The following SQSTM1 variants were observed in gnomAD, a reference collection of about 807,000 sequenced individuals.
The protein encoded by SQSTM1 is sequestosome 1.
SQSTM1 carries 36 observed loss-of-function variants against 45.1 expected under a neutral mutation model. That is an observed-to-expected ratio of 0.80 (90% CI 0.61 to 1.05). The LOEUF (loss-of-function observed/expected upper bound fraction) is 1.05, where lower values mean the gene tolerates loss of function less well. SQSTM1 is among the 50% of genes least tolerant of loss of function. The pLI, the probability that SQSTM1 is intolerant of heterozygous loss-of-function variation, is 0.00. For missense variants in SQSTM1, 617 were observed against 607.1 expected (o/e 1.02, Z -0.17); for synonymous variants, 290 against 244.3 (o/e 1.19, Z -1.74).
intron 5 of SQSTM1, among the ~76,000 whole-genome samples, chr5:179,830,305 C>T (rs368999765): frequency 6.6e-6 from 1 of 152,298 alleles, no homozygotes; most frequent in African/African-American, 2.4e-5. Context: ...ATTGTAAATA[C>T]TTGGGAATAC....
In SQSTM1 at chr5:179,836,621, C is replaced by G; in HGVS notation, c.*28C>G. ...ACTTTTGCCCACCTCTTCTGCGTGC[C>G]CCTCTTCTGTCTCATAGTTGTGTTA... On this transcript the variant is annotated 3_prime_UTR_variant, in exon 8 of 8. Coordinates refer to ENST00000389805, the MANE Select transcript of SQSTM1 (RefSeq NM_003900.5). 1 of 1,611,560 alleles carries G rather than the reference C, an allele frequency of 6.2e-7. No individual in the cohort carries two copies. The highest frequency in any genetic ancestry group is 8.5e-7 in the Non-Finnish European group (1 of 1,179,966).
chr5:179,826,389 A>T (rs1757988339), intron 5 of SQSTM1, among the ~76,000 whole-genome samples: 1 of 151,126 alleles, frequency 6.6e-6, no homozygotes, highest in Non-Finnish European at 1.5e-5. Flanking sequence ...CTGGTCTTGA[A>T]CTTCTGACCT....
At position 179,835,884 on chromosome 5, in the gene SQSTM1, TACC is replaced by T. The variant is rs1207800310; in HGVS notation, c.1166-549_1166-547del. 4.2e-5 allele frequency: 9 copies of T among 212,930 alleles called. No individual in the cohort carries two copies. The East Asian group carries it at 6.7e-4, about 16-fold the overall frequency. 13.2% of individuals were successfully genotyped at this position (212,930 alleles called of 1,614,324 possible). On this transcript the variant is annotated intron_variant, in intron 7 of 7. Transcript: ENST00000389805. ...TGAGTAGTATTCCATGGTGTATATATACCACATTTTCTTTATCCACTCATTGCT... is the reference window on the plus strand; with the variant it reads ...TGAGTAGTATTCCATGGTGTATATATACATTTTCTTTATCCACTCATTGCT...
In SQSTM1 at chr5:179,821,700, C is replaced by T. The variant is rs1562650780; in HGVS notation, c.205+559C>T. 4 of 359,258 alleles carry T rather than the reference C, an allele frequency of 1.1e-5. No individual in the cohort carries two copies. In the East Asian group the frequency reaches 3.9e-4, roughly 35 times the overall value. 22.3% of individuals were successfully genotyped at this position (359,258 alleles called of 1,614,324 possible). On this transcript the variant is annotated intron_variant, in intron 1 of 7. Transcript: ENST00000389805. ...GGCACGGATCGCCGGCGGAACGCTC[C>T]GAGCCAGGTCGAGTACAGATGTTTT...
At chr5:179,812,544 T>C (rs1181390141) in intron 2 of SQSTM1, 3 of 152,274 alleles carry the variant, frequency 2.0e-5, no homozygotes, top group African/African-American at 7.2e-5. Context: ...CTGCGTCTTC[T>C]TGAGGTGACT....
rs747081686 is a variant in SQSTM1, at chr5:179,823,068, T to C, written c.301+15T>C. 6.2e-7 allele frequency: 1 copy of C among 1,609,740 alleles called. No individual in the cohort carries two copies. Among genetic ancestry groups the C allele is most frequent in the East Asian group, 2.2e-5 (1 of 44,856 alleles). The stretch of plus-strand genomic sequence containing the variant: ...CTACATTAAAGGTAAGGGGCTGCTC[T>C]GGGGGCTGCCTGAAGCCAGCTCAGC... On this transcript the variant is annotated intron_variant, in intron 2 of 7. Transcript: ENST00000389805.
upstream of SQSTM1, chr5:179,820,661 G>C (rs551085066): frequency 2.3e-4 from 90 of 397,702 alleles, no homozygotes; most frequent in African/African-American, 1.7e-3. Context: ...GAGTGCCAGG[G>C]CCGGTTTCCT....
In SQSTM1 at chr5:179,823,025, G is replaced by A. The variant is rs1327672196; in HGVS notation, c.273G>A (p.Lys91=). 2.5e-6 allele frequency: 4 copies of A among 1,614,018 alleles called. No individual in the cohort carries two copies. The highest frequency in any genetic ancestry group is 3.4e-6 in the Non-Finnish European group (4 of 1,180,024). ...TGACAATGGCCATGTCCTACGTGAA[G>A]GATGACATCTTCCGAATCTACATTA... ...EELTMAMSYV[K]DDIFRIYIKE... is the part of the protein sequence containing the mutation. Residue 91 remains lysine (K), a synonymous_variant, in exon 2 of 8, where the codon AAG becomes AAA. Coordinates refer to ENST00000389805, the MANE Select transcript of SQSTM1 (RefSeq NM_003900.5).
chr5:179,835,893 T>G (rs1758528962), intron 7 of SQSTM1: 7 of 210,074 alleles, frequency 3.3e-5, no homozygotes, highest in Non-Finnish European at 2.0e-5. Context: ...ATACCACATT[T>G]TCTTTATCCA....
intron 1 of SQSTM1, among the ~76,000 whole-genome samples, chr5:179,810,053 G>T (rs1312935211): frequency 1.3e-5 from 2 of 151,978 alleles, no homozygotes; most frequent in Non-Finnish European, 2.9e-5. Flanking sequence ...CAGAGTGCTG[G>T]GATTACAGGC....
At position 179,836,491 on chromosome 5, in the gene SQSTM1, T is replaced by C. The variant is rs763506589; in HGVS notation, c.1221T>C (p.Ser407=). ...CCCAGATGCTGTCCATGGGCTTCTCTGATGAAGGCGGCTGGCTCACCAGGC... is the reference window on the plus strand; with the variant it reads ...CCCAGATGCTGTCCATGGGCTTCTCCGATGAAGGCGGCTGGCTCACCAGGC... ...SLSQMLSMGF[S]DEGGWLTRLL... is the part of the protein sequence containing the mutation. Residue 407 remains serine, a synonymous_variant, in exon 8 of 8, where the codon TCT becomes TCC. Coordinates refer to ENST00000389805, the MANE Select transcript of SQSTM1 (RefSeq NM_003900.5). The C allele has an allele frequency of 6.2e-7, 1 of 1,614,206 alleles. No homozygotes were observed. Among genetic ancestry groups the C allele is most frequent in the South Asian group, 1.1e-5 (1 of 91,080 alleles).
At chr5:179,815,043 A>G (rs1458948506), upstream of SQSTM1, among the ~76,000 whole-genome samples, 2 of 152,154 alleles carry the variant, frequency 1.3e-5, no homozygotes, top group Non-Finnish European at 2.9e-5. Flanking sequence ...GGGGGAGCAT[A>G]TGGTCATAGC....
intron 6 of SQSTM1, 93 bp downstream of exon 6, chr5:179,833,339 CCA>C: frequency 7.8e-7 from 1 of 1,285,332 alleles, no homozygotes; most frequent in East Asian, 2.5e-5. Flanking sequence ...CTCTGCAGCC[CCA>C]CTTACAAACC....
Position 179,823,864 on chromosome 5 carries a change from A to G in SQSTM1, c.308A>G (p.Lys103Arg), listed in dbSNP as rs748170760. ...DIFRIYIKEKKECRRDHRPPC... is the reference protein window; with the variant it reads ...DIFRIYIKEKRECRRDHRPPC... Reference sequence around the variant, plus strand: ...CTCTTTACCCTTCCTGTAGAGAAAAAAGAGTGCCGGCGGGACCACCGCCCA... The same window carrying G: ...CTCTTTACCCTTCCTGTAGAGAAAAGAGAGTGCCGGCGGGACCACCGCCCA... The change falls in exon 3 of 8, where the codon AAA (lysine) becomes AGA (arginine). Residue 103 changes from lysine (K) to arginine (R), a missense_variant. Lys to Arg is a conservative substitution (Grantham distance 26). Transcript: ENST00000389805. The G allele has an allele frequency of 1.7e-5, 28 of 1,611,726 alleles. No individual in the cohort carries two copies. The Admixed American group carries it at 1.8e-4, about 11-fold the overall frequency.
In SQSTM1 at chr5:179,823,834, C is replaced by T. The variant is rs372179781; in HGVS notation, c.302-24C>T. The T allele has an allele frequency of 2.6e-5, 41 of 1,607,028 alleles. 1 individual carries two copies. The highest frequency in any genetic ancestry group is 9.9e-5 in the South Asian group (9 of 90,974). The stretch of plus-strand genomic sequence containing the variant: ...AGGACTTTAGGGGGTCCCACCCTAG[C>T]GGCTCTCTTTACCCTTCCTGTAGAG... On this transcript the variant is annotated intron_variant, in intron 2 of 7. Transcript: ENST00000389805.
chr5:179,828,219 C>G (rs1452631555), intron 5 of SQSTM1, among the ~76,000 whole-genome samples: 1 of 152,206 alleles, frequency 6.6e-6, no homozygotes, highest in African/African-American at 2.4e-5. Context: ...ACGCTTTCAT[C>G]ACCAAGTTGG....
rs561073025 is a variant in SQSTM1 at position 179,806,663 on chromosome 5, A to AGGC, written c.-157+88_-157+90dup. The AGGC allele has an allele frequency of 0.06, 34,750 of 582,776 alleles. 1,925 individuals are homozygous for AGGC. The highest frequency in any genetic ancestry group is 0.2 in the Admixed American group (2,825 of 14,038). The allele number at this position is 582,776 out of a possible 1,614,324, so 36.1% of individuals were successfully genotyped here. On this transcript the variant is annotated intron_variant, in intron 1 of 5. Coordinates refer to the SQSTM1 transcript ENST00000514093. The surrounding 1 kb of genome is among the most constrained non-coding windows in gnomAD (Gnocchi z 4.6). Reference sequence around the variant, plus strand: ...CCGGGGCCGGGGCGCAGGGGTCGGAAGGCGGCGGCGGCGGCGGCAGGGGCC... The same window carrying AGGC: ...CCGGGGCCGGGGCGCAGGGGTCGGAAGGCGGCGGCGGCGGCGGCGGCAGGGGCC...
chr5:179,821,946 TA>T (rs79376917), intron 1 of SQSTM1, among the ~76,000 whole-genome samples: 29,964 of 147,646 alleles, frequency 0.2, 3,384 homozygotes, highest in Admixed American at 0.28. Flanking sequence ...CTCCTATTCT[TA>T]AAAAAAAAAA....
chr5:179,836,517 T>A lies in SQSTM1; in HGVS notation c.1247T>A (p.Leu416His), dbSNP rs1367741862. 6.2e-7 allele frequency: 1 copy of A among 1,614,206 alleles called. No individual in the cohort carries two copies. Among genetic ancestry groups the A allele is most frequent in the Admixed American group, 1.7e-5 (1 of 60,026 alleles). The change falls in exon 8 of 8, where the codon CTC becomes CAC. Residue 416 changes from leucine to histidine, a missense_variant. Leu to His is a moderately conservative substitution (Grantham distance 99). Coordinates refer to ENST00000389805, the MANE Select transcript of SQSTM1 (RefSeq NM_003900.5). ...GATGAAGGCGGCTGGCTCACCAGGCTCCTGCAGACCAAGAACTATGACATC... is the reference window on the plus strand; with the variant it reads ...GATGAAGGCGGCTGGCTCACCAGGCACCTGCAGACCAAGAACTATGACATC... ...FSDEGGWLTR[L>H]LQTKNYDIGA...
Sources: gnomAD v4.1 joint callset for allele counts (sites outside exome capture counted in the v4.1 genomes callset) on GRCh38, gnomAD v4.1.1 for gene constraint, Gnocchi (gnomAD v3.1) non-coding constraint, MANE v1.5 for transcripts, NCBI Gene and HGNC (gene_info 2026-07-23, HGNC 2026-07-21) for gene names.